The following B4GALT2 variants were observed in gnomAD, a reference collection of about 807,000 sequenced individuals.
B4GALT2 encodes the protein N-acetyllactosamine synthase.
A neutral mutation model predicts 33.2 loss-of-function variants in B4GALT2; 18 were observed. That is an observed-to-expected ratio of 0.54 (90% CI 0.38 to 0.80). B4GALT2 has a LOEUF of 0.80. B4GALT2 is among the 30% of genes least tolerant of loss of function. The pLI, the probability that B4GALT2 is intolerant of heterozygous loss-of-function variation, is 0.00. For synonymous variants in B4GALT2, 214 were observed against 217.6 expected (o/e 0.98, Z 0.15); for missense variants, 404 against 526.2 (o/e 0.77, Z 2.27).
intron 6 of B4GALT2, among the ~76,000 whole-genome samples, chr1:43,987,221 A>G (rs1489388029): frequency 6.6e-6 from 1 of 152,158 alleles, no homozygotes; most frequent in Non-Finnish European, 1.5e-5. Flanking sequence ...CATCAATTAC[A>G]CATGTCTGGC....
At chr1:43,989,727 T>C (rs1254137953) in intron 6 of B4GALT2, among the ~76,000 whole-genome samples, 2 of 152,210 alleles carry the variant, frequency 1.3e-5, no homozygotes, top group Non-Finnish European at 2.9e-5. Context: ...GATGGTCTTA[T>C]CAGGAGAAAG....
At chr1:43,985,444 G>T (rs770685661) in intron 5 of B4GALT2, 44 bp downstream of exon 5, 2 of 745,900 alleles carry the variant, frequency 2.7e-6, no homozygotes, top group East Asian at 3.1e-5. Flanking sequence ...GGGGGGGGGA[G>T]GGGGGGTGCA....
chr1:43,990,791 C>A lies in B4GALT2; in HGVS notation c.*343C>A, dbSNP rs896838036. ...ACTCCACCTCTCTGTGCCTCAGTTT[C>A]CCCCCCTTGAGTCCCCTAGGGCCTG... is the stretch of plus-strand genomic sequence containing the variant. On this transcript the variant is annotated 3_prime_UTR_variant, in exon 7 of 7. Transcript: ENST00000372324. 4 of 299,784 alleles carry A rather than the reference C, an allele frequency of 1.3e-5. No individual in the cohort carries two copies. Among genetic ancestry groups the A allele is most frequent in the East Asian group, 1.4e-4 (2 of 14,402 alleles). The allele number at this position is 299,784 out of a possible 1,614,324, so 18.6% of individuals were successfully genotyped here. A position where few individuals can be genotyped will look rare whatever the true frequency, so the allele number is the denominator to read the frequency against.
Position 43,984,949 on chromosome 1 carries a change from T to C in B4GALT2, c.634T>C (p.Phe212Leu). The C allele has an allele frequency of 6.2e-7, 1 of 1,614,092 alleles. No individual in the cohort carries two copies. The highest frequency in any genetic ancestry group is 8.5e-7 in the Non-Finnish European group (1 of 1,180,014). The change falls in exon 4 of 7, where the codon TTC (phenylalanine) becomes CTC (leucine). Residue 212 changes from phenylalanine (F) to leucine (L), a missense_variant. By Grantham distance (22) the Phe-to-Leu change is conservative. Transcript: ENST00000372324. This position sits in a 1 kb window ranked among gnomAD's most constrained non-coding sequence, Gnocchi z 5.6. ...GAAGGAGGATGCCGCCTATGACTGC[T>C]TCATCTTCAGCGATGTGGACCTGGT... The part of the protein sequence containing the change: ...ALKEDAAYDC[F>L]IFSDVDLVPM...
chr1:43,981,628 G>A lies in B4GALT2; in HGVS notation c.314-61G>A. 3.9e-6 allele frequency: 6 copies of A among 1,551,596 alleles called. No homozygotes were observed. Among genetic ancestry groups the A allele is most frequent in the Non-Finnish European group, 5.2e-6 (6 of 1,144,630 alleles). On this transcript the variant is annotated intron_variant, in intron 2 of 6. Transcript: ENST00000372324. The surrounding 1 kb of genome is among the most constrained non-coding windows in gnomAD (Gnocchi z 8.1). The stretch of plus-strand genomic sequence containing the variant: ...CCTAGCCCACCCCCAGGCTGAGGGT[G>A]GGGGCTGGTATCTGTGGATTCTGGC...
At position 43,985,514 on chromosome 1, in the gene B4GALT2, C is replaced by T. The variant is rs1330181294; in HGVS notation, c.864-3C>T. The T allele has an allele frequency of 1.3e-5, 21 of 1,612,798 alleles. No homozygotes were observed. Among genetic ancestry groups the T allele is most frequent in the Non-Finnish European group, 1.8e-5 (21 of 1,179,768 alleles). ...GTTCCAGTCTGTCCGTCCCCATCCT[C>T]AGGATCTCCCTGACTGGGATGAAGA... On this transcript the variant is annotated splice_region_variant and splice_polypyrimidine_tract_variant and intron_variant, in intron 5 of 6. Coordinates refer to ENST00000372324, the MANE Select transcript of B4GALT2 (RefSeq NM_003780.5).
chr1:43,985,977 C>T (rs1483430651), intron 6 of B4GALT2: 1 of 317,550 alleles, frequency 3.1e-6, no homozygotes, highest in Non-Finnish European at 6.0e-6. Context: ...CTGTGGGACC[C>T]CTGCCGGGGC....
At chr1:43,985,450 GT>G (rs2085647704) in intron 5 of B4GALT2, 50 bp downstream of exon 5, 32 of 822,468 alleles carry the variant, frequency 3.9e-5, no homozygotes, top group South Asian at 4.9e-5. Context: ...GGGAGGGGGG[GT>G]GCAGACTGGG....
intron 6 of B4GALT2, among the ~76,000 whole-genome samples, chr1:43,989,205 G>T (rs2085694241): frequency 6.6e-6 from 1 of 151,610 alleles, no homozygotes; most frequent in South Asian, 2.1e-4. Context: ...AAATCAGCTG[G>T]CGCAGTGGCA....
rs1337320943 is a variant in B4GALT2 at position 43,984,793 on chromosome 1, C to G, written c.550-72C>G. On this transcript the variant is annotated intron_variant, in intron 3 of 6. Transcript: ENST00000372324. The surrounding 1 kb of genome is among the most constrained non-coding windows in gnomAD (Gnocchi z 5.6). ...GGCTGGTAGATCCCCAGAGACTGCT[C>G]TGGAGAGTGGCAAAAGGGCAGGTGC... is the stretch of plus-strand genomic sequence containing the variant. 6.6e-7 allele frequency: 1 copy of G among 1,507,650 alleles called. No individual in the cohort carries two copies. The highest frequency in any genetic ancestry group is 1.4e-5 in the African/African-American group (1 of 73,028). The allele number at this position is 1,507,650 out of a possible 1,614,324, so 93.4% of individuals were successfully genotyped here. A position where few individuals can be genotyped will look rare whatever the true frequency, so the allele number is the denominator to read the frequency against.
Position 43,979,538 on chromosome 1 carries a change from A to G in B4GALT2, c.-53+27A>G, listed in dbSNP as rs1195858635. 1 of 155,066 alleles carries G rather than the reference A, an allele frequency of 6.4e-6. No homozygotes were observed. Among genetic ancestry groups the G allele is most frequent in the Non-Finnish European group, 1.4e-5 (1 of 70,156 alleles). The allele number at this position is 155,066 out of a possible 1,614,324, so 9.6% of individuals were successfully genotyped here. A position where few individuals can be genotyped will look rare whatever the true frequency, so the allele number is the denominator to read the frequency against. The stretch of plus-strand genomic sequence containing the variant: ...TGAGAGGAGGGCGCGCGCGGCCCCC[A>G]CCCAGGGCCCCGAGATTCCAGACCC... On this transcript the variant is annotated intron_variant, in intron 1 of 6. Coordinates refer to ENST00000372324, the MANE Select transcript of B4GALT2 (RefSeq NM_003780.5). The surrounding 1 kb of genome is among the most constrained non-coding windows in gnomAD (Gnocchi z 4.8).
rs1382528866 is a variant in B4GALT2 at position 43,984,449 on chromosome 1, C to T, written c.550-416C>T. 2.0e-5 allele frequency among the ~76,000 whole-genome samples: 3 copies of T among 152,214 alleles called. No individual in the cohort carries two copies. Among genetic ancestry groups the T allele is most frequent in the South Asian group, 2.1e-4 (1 of 4,836 alleles). On this transcript the variant is annotated intron_variant, in intron 3 of 6. Coordinates refer to ENST00000372324, the MANE Select transcript of B4GALT2 (RefSeq NM_003780.5). The surrounding 1 kb of genome is among the most constrained non-coding windows in gnomAD (Gnocchi z 5.6). ...TGAATGAGATGAGAACTCCACCTGACGTTGTCAATGGGTATTGGCATAAAG... is the reference window on the plus strand; with the variant it reads ...TGAATGAGATGAGAACTCCACCTGATGTTGTCAATGGGTATTGGCATAAAG...
intron 3 of B4GALT2, among the ~76,000 whole-genome samples, chr1:43,983,522 A>G (rs2085623689): frequency 6.6e-6 from 1 of 152,222 alleles, no homozygotes; most frequent in African/African-American, 2.4e-5. Flanking sequence ...GGGCCCAGCG[A>G]GAGCCATTTC....
chr1:43,981,112 A>T lies in B4GALT2; in HGVS notation c.-49A>T, dbSNP rs767540187. 5.7e-5 allele frequency: 90 copies of T among 1,582,048 alleles called. 1 individual carries two copies. The Middle Eastern group carries it at 8.7e-4, about 15-fold the overall frequency. On this transcript the variant is annotated 5_prime_UTR_variant, in exon 2 of 7. Transcript: ENST00000372324. This position sits in a 1 kb window ranked among gnomAD's most constrained non-coding sequence, Gnocchi z 8.1. Reference sequence around the variant, plus strand: ...GTTTCCCTCCCACCCTGCTCAGGCCAGCAGCCGGATGCCCGGGCCCACTGG... The same window carrying T: ...GTTTCCCTCCCACCCTGCTCAGGCCTGCAGCCGGATGCCCGGGCCCACTGG...
In B4GALT2 at chr1:43,990,488, C is replaced by T. The variant is rs1364096620; in HGVS notation, c.*40C>T. ...GGCTCTCGGTGCCGAAGATTGCCTG[C>T]CAGAGGACTGACCACAGCCTGGCTG... On this transcript the variant is annotated 3_prime_UTR_variant, in exon 7 of 7. Coordinates refer to ENST00000372324, the MANE Select transcript of B4GALT2 (RefSeq NM_003780.5). 6.2e-7 allele frequency: 1 copy of T among 1,611,796 alleles called. No homozygotes were observed. Among genetic ancestry groups the T allele is most frequent in the Non-Finnish European group, 8.5e-7 (1 of 1,179,148 alleles).
In B4GALT2 at chr1:43,989,580, A is replaced by G. The variant is rs1045344001; in HGVS notation, c.969-718A>G. 9.2e-5 allele frequency among the ~76,000 whole-genome samples: 14 copies of G among 152,346 alleles called. No individual in the cohort carries two copies. The East Asian group carries it at 1.3e-3, about 15-fold the overall frequency. Reference sequence around the variant, plus strand: ...ACATATGCATATCGAACAAACATGCATGTTATATACCATCCATGTTCACCT... The same window carrying G: ...ACATATGCATATCGAACAAACATGCGTGTTATATACCATCCATGTTCACCT... On this transcript the variant is annotated intron_variant, in intron 6 of 6. Transcript: ENST00000372324.
rs1264340014 is a variant in B4GALT2, at chr1:43,984,728, G to A, written c.550-137G>A. On this transcript the variant is annotated intron_variant, in intron 3 of 6. Transcript: ENST00000372324. The surrounding 1 kb of genome is among the most constrained non-coding windows in gnomAD (Gnocchi z 5.6). ...AGGCCAGATCCCGGTCGAGAAGCTG[G>A]ACTAGATCCTGAGAGCCTGGAGGAG... The A allele has an allele frequency of 1.1e-6, 1 of 908,918 alleles. No individual in the cohort carries two copies. The highest frequency in any genetic ancestry group is 1.6e-6 in the Non-Finnish European group (1 of 612,464). 56.3% of individuals were successfully genotyped at this position (908,918 alleles called of 1,614,324 possible). A position where few individuals can be genotyped will look rare whatever the true frequency, so the allele number is the denominator to read the frequency against.
At position 43,984,401 on chromosome 1, in the gene B4GALT2, G is replaced by A. The variant is rs533083505; in HGVS notation, c.550-464G>A. Among the ~76,000 whole-genome samples, 9 of 152,374 alleles carry A rather than the reference G, an allele frequency of 5.9e-5. No individual in the cohort carries two copies. In the South Asian group the frequency reaches 6.2e-4, roughly 11 times the overall value. ...TCCCCGCTAGCACAAAGGAGAGAGCGCCACAGGGCATGTTTGAATGAGTGA... is the reference window on the plus strand; with the variant it reads ...TCCCCGCTAGCACAAAGGAGAGAGCACCACAGGGCATGTTTGAATGAGTGA... On this transcript the variant is annotated intron_variant, in intron 3 of 6. Coordinates refer to ENST00000372324, the MANE Select transcript of B4GALT2 (RefSeq NM_003780.5). The surrounding 1 kb of genome is among the most constrained non-coding windows in gnomAD (Gnocchi z 5.6).
In B4GALT2 at chr1:43,985,547, C is replaced by T; in HGVS notation, c.894C>T (p.Arg298=). Residue 298 remains arginine, a synonymous_variant, in exon 6 of 7, where the codon CGC becomes CGT. Transcript: ENST00000372324. The stretch of plus-strand genomic sequence containing the variant: ...CCCTGACTGGGATGAAGATCTCACG[C>T]CCAGACATCCGAATCGGCCGCTACC... ...RISLTGMKIS[R]PDIRIGRYRM... is the part of the protein sequence containing the mutation. The T allele has an allele frequency of 1.2e-6, 2 of 1,613,860 alleles. No homozygotes were observed. Among genetic ancestry groups the T allele is most frequent in the Non-Finnish European group, 1.7e-6 (2 of 1,179,974 alleles).
Sources: gnomAD v4.1 joint callset for allele counts (sites outside exome capture counted in the v4.1 genomes callset) on GRCh38, gnomAD v4.1.1 for gene constraint, Gnocchi (gnomAD v3.1) non-coding constraint, MANE v1.5 for transcripts, NCBI Gene and HGNC (gene_info 2026-07-23, HGNC 2026-07-21) for gene names.